Variants in CLIP1 observed in about 807,000 individuals in gnomAD.
The protein encoded by CLIP1 is CAP-Gly domain-containing linker protein 1.
Under a neutral mutation model 161.6 loss-of-function variants are expected in CLIP1, and 66 were observed. The observed-to-expected ratio is 0.41, with a 90% CI of 0.33 to 0.50. CLIP1 has a LOEUF of 0.50. Ranked by LOEUF, CLIP1 falls within the 20% of genes least tolerant of loss-of-function variation. The probability of loss-of-function intolerance (pLI) is 0.27; values close to 1 mark genes in which losing one functional copy is unlikely to be tolerated. For synonymous variants in CLIP1, 598 were observed against 626.2 expected (o/e 0.96, Z 0.67); for missense variants, 1,376 against 1,702.0 (o/e 0.81, Z 3.37).
chr12:122,384,848 C>T (rs1342753834), intron 1 of CLIP1, among the ~76,000 whole-genome samples: 2 of 149,504 alleles, frequency 1.3e-5, no homozygotes, highest in African/African-American at 4.9e-5. Flanking sequence ...TGTTCAGGCA[C>T]AGGCACAAAG....
At chr12:122,346,373 T>C (rs1378117468) in intron 10 of CLIP1, among the ~76,000 whole-genome samples, 2 of 152,218 alleles carry the variant, frequency 1.3e-5, no homozygotes, top group African/African-American at 4.8e-5. Flanking sequence ...ATATAGGTGC[T>C]TTAATATATA....
intron 21 of CLIP1, among the ~76,000 whole-genome samples, chr12:122,286,520 T>TAAAAAAAAAAAAAA (rs57260606): frequency 3.5e-5 from 1 of 28,246 alleles, no homozygotes; most frequent in Non-Finnish European, 7.1e-5. Flanking sequence ...GACTCTGTCT[T>TAAAAAAAAAAAAAA]AAAAAAAAAA....
chr12:122,356,613 CCTCTCCCT>C (rs971544836), intron 5 of CLIP1, among the ~76,000 whole-genome samples: 3 of 151,810 alleles, frequency 2.0e-5, no homozygotes, highest in African/African-American at 7.3e-5. Flanking sequence ...TCCCTCTCTC[CCTCTCCCT>C]CTCTCCCTCT....
chr12:122,419,658 G>A (rs1956870832), intron 1 of CLIP1, among the ~76,000 whole-genome samples: 1 of 151,792 alleles, frequency 6.6e-6, no homozygotes, highest in African/African-American at 2.4e-5. Context: ...AGAATCGGCC[G>A]GGCACAGTGG....
At chr12:122,363,911 C>T (rs762224564) in intron 4 of CLIP1, 72 bp downstream of exon 4, 90 of 1,599,736 alleles carry the variant, frequency 5.6e-5, no homozygotes, top group African/African-American at 3.8e-4. Flanking sequence ...TTATGATACA[C>T]GCTTGGTGAG....
chr12:122,389,003 C>CCT (rs1303015452), intron 1 of CLIP1, among the ~76,000 whole-genome samples: 2 of 152,194 alleles, frequency 1.3e-5, no homozygotes, highest in Non-Finnish European at 2.9e-5. Context: ...AGCAGCTTCC[C>CCT]CTCCTCCATG....
At chr12:122,358,360 TG>T (rs762254276) in intron 5 of CLIP1, among the ~76,000 whole-genome samples, 7 of 151,432 alleles carry the variant, frequency 4.6e-5, no homozygotes, top group Non-Finnish European at 8.8e-5. Context: ...CTTGTTTATC[TG>T]CTGACCTTCC....
rs954468811 is a variant in CLIP1 at position 122,319,164 on chromosome 12, C to T, written c.3366+68G>A. 3 of 1,065,178 alleles carry T rather than the reference C, an allele frequency of 2.8e-6. No homozygotes were observed. The African/African-American group carries it at 4.7e-5, about 17-fold the overall frequency. The allele number at this position is 1,065,178 out of a possible 1,614,324, so 66.0% of individuals were successfully genotyped here. On this transcript the variant is annotated intron_variant, in intron 18 of 25. Coordinates refer to ENST00000620786, the MANE Select transcript of CLIP1 (RefSeq NM_001247997.2). ...TTCAAAAACATAAGCAATCCTGAGTCAGTGACCAAACATTCTACCAAGTTG... is the reference window on the plus strand; with the variant it reads ...TTCAAAAACATAAGCAATCCTGAGTTAGTGACCAAACATTCTACCAAGTTG...
chr12:122,355,127 G>A lies in CLIP1; in HGVS notation c.1191C>T (p.Asp397=), dbSNP rs146982254. The A allele has an allele frequency of 7.3e-5, 118 of 1,613,962 alleles. 1 individual carries two copies. The highest frequency in any genetic ancestry group is 8.5e-5 in the Non-Finnish European group (100 of 1,179,962). ...EIEQELALAR[D]GHDQHVLELE... is the part of the protein sequence containing the mutation. ...GTCCAGACTTCACCTGGTCATGTCC[G>A]TCCCGGGCCAGAGCTAGCTCCTGCT... Residue 397 remains aspartate (D), a synonymous_variant, in exon 6 of 26, where the codon GAC becomes GAT. Coordinates refer to ENST00000620786, the MANE Select transcript of CLIP1 (RefSeq NM_001247997.2). The surrounding 1 kb of genome is among the most constrained non-coding windows in gnomAD (Gnocchi z 4.1).
Position 122,351,126 on chromosome 12 carries a change from A to G in CLIP1, c.1386T>C (p.Ser462=). ...KGDLEQKSQI[S]EDPENTQTKL... Reference sequence around the variant, plus strand: ...GCCCTCTTACATTCTCAGGATCTTCAGAAATCTGGCTCTTTTGCTATCAGT... The same window carrying G: ...GCCCTCTTACATTCTCAGGATCTTCGGAAATCTGGCTCTTTTGCTATCAGT... The change falls in exon 9 of 26, where the codon TCT becomes TCC. Residue 462 remains serine, a synonymous_variant. Transcript: ENST00000620786. 1 of 1,522,946 alleles carries G rather than the reference A, an allele frequency of 6.6e-7. No individual in the cohort carries two copies. The highest frequency in any genetic ancestry group is 1.3e-5 in the South Asian group (1 of 78,010). The allele number at this position is 1,522,946 out of a possible 1,614,324, so 94.3% of individuals were successfully genotyped here.
intron 1 of CLIP1, among the ~76,000 whole-genome samples, chr12:122,408,830 TA>T (rs1242116683): frequency 6.6e-6 from 1 of 152,004 alleles, no homozygotes; most frequent in Admixed American, 6.6e-5. Context: ...TATTGTTTAT[TA>T]TTTTTTTGAG....
intron 1 of CLIP1, among the ~76,000 whole-genome samples, chr12:122,385,998 G>A (rs1158217950): frequency 6.6e-6 from 1 of 152,044 alleles, no homozygotes; most frequent in African/African-American, 2.4e-5. Flanking sequence ...ATCAAGAATT[G>A]GGCTCGGCCG....
chr12:122,355,093 C>G lies in CLIP1; in HGVS notation c.1203+22G>C. Reference sequence around the variant, plus strand: ...TGGCTTTAGAAACCATCACCATCTCCGCAACAAGGTCCAGACTTCACCTGG... The same window carrying G: ...TGGCTTTAGAAACCATCACCATCTCGGCAACAAGGTCCAGACTTCACCTGG... On this transcript the variant is annotated intron_variant, in intron 6 of 25. Transcript: ENST00000620786. The surrounding 1 kb of genome is among the most constrained non-coding windows in gnomAD (Gnocchi z 4.1). 6.2e-7 allele frequency: 1 copy of G among 1,609,044 alleles called. No individual in the cohort carries two copies. Among genetic ancestry groups the G allele is most frequent in the Admixed American group, 1.7e-5 (1 of 59,594 alleles).
intron 6 of CLIP1, 105 bp from the exon 7 acceptor site, chr12:122,354,661 C>T: frequency 1.3e-6 from 1 of 791,694 alleles, no homozygotes; most frequent in African/African-American, 1.7e-5. Context: ...GTGGGCGTTA[C>T]TCTAAAACCT....
In CLIP1 at chr12:122,380,456, C is replaced by T. The variant is rs757353817; in HGVS notation, c.-4G>A. 1 of 1,600,604 alleles carries T rather than the reference C, an allele frequency of 6.2e-7. No individual in the cohort carries two copies. The highest frequency in any genetic ancestry group is 1.1e-5 in the South Asian group (1 of 90,330). On this transcript the variant is annotated 5_prime_UTR_variant, in exon 2 of 26. Coordinates refer to ENST00000620786, the MANE Select transcript of CLIP1 (RefSeq NM_001247997.2). Reference sequence around the variant, plus strand: ...CACTTGGCTTTAGCATACTCATTTTCTTTGTATGTCAGAGCTGTTTCTCCT... The same window carrying T: ...CACTTGGCTTTAGCATACTCATTTTTTTTGTATGTCAGAGCTGTTTCTCCT...
chr12:122,343,139 T>C (rs1461897358), intron 10 of CLIP1: 2 of 28,080 alleles, frequency 7.1e-5, no homozygotes, highest in Non-Finnish European at 2.3e-4. Flanking sequence ...TTTACTAAAC[T>C]TTTTTTTTTT....
chr12:122,281,090 C>T lies in CLIP1; in HGVS notation c.3648-1945G>A, dbSNP rs147881120. Reference sequence around the variant, plus strand: ...TCTCATGACTTATGGCAAATTGAAACTCTACACAAAGATGAAAATATAAGT... The same window carrying T: ...TCTCATGACTTATGGCAAATTGAAATTCTACACAAAGATGAAAATATAAGT... On this transcript the variant is annotated intron_variant, in intron 21 of 25. Transcript: ENST00000620786. Among the ~76,000 whole-genome samples, 47 of 152,324 alleles carry T rather than the reference C, an allele frequency of 3.1e-4. 1 individual carries two copies. In the East Asian group the frequency reaches 8.7e-3, roughly 28 times the overall value.
At chr12:122,382,486 G>A (rs1955052147) in intron 1 of CLIP1, among the ~76,000 whole-genome samples, 1 of 151,252 alleles carries the variant, frequency 6.6e-6, no homozygotes, top group African/African-American at 2.4e-5. Context: ...CTAGGCAACT[G>A]AGCGAGACAC....
chr12:122,299,099 A>G (rs1472966262), intron 20 of CLIP1, among the ~76,000 whole-genome samples: 1 of 152,204 alleles, frequency 6.6e-6, no homozygotes, highest in Non-Finnish European at 1.5e-5. Context: ...TGCTGAAAAG[A>G]CAACAGCTAC....
Sources: gnomAD v4.1 joint callset for allele counts (sites outside exome capture counted in the v4.1 genomes callset) on GRCh38, gnomAD v4.1.1 for gene constraint, Gnocchi (gnomAD v3.1) non-coding constraint, MANE v1.5 for transcripts, NCBI Gene and HGNC (gene_info 2026-07-23, HGNC 2026-07-21) for gene names.